Variants in SERPINE3 observed in about 807,000 individuals in gnomAD.
The protein encoded by SERPINE3 is serpin E3.
SERPINE3 carries 43 observed loss-of-function variants against 41.7 expected under a neutral mutation model. That is an observed-to-expected ratio of 1.03 (90% CI 0.81 to 1.33). SERPINE3 has a LOEUF of 1.33. SERPINE3 is among the 40% of genes most tolerant of loss of function. The pLI is 0.00. For synonymous variants in SERPINE3, 200 were observed against 192.2 expected (o/e 1.04, Z -0.34); for missense variants, 440 against 491.7 (o/e 0.89, Z 0.99).
chr13:51,344,147 A>G, intron 3 of SERPINE3, 105 bp from the exon 4 acceptor site: 2 of 773,406 alleles, frequency 2.6e-6, no homozygotes, highest in East Asian at 5.4e-5. Context: ...TATGAGCAAG[A>G]GTGGAGTTGC....
chr13:51,348,513 T>G (rs1337331066), intron 6 of SERPINE3, 102 bp downstream of exon 6: 1 of 875,296 alleles, frequency 1.1e-6, no homozygotes, highest in East Asian at 2.6e-5. Flanking sequence ...GCTTAGCCAC[T>G]GGGATGACTT....
chr13:51,353,514 C>T lies in SERPINE3; in HGVS notation c.900-1529C>T, dbSNP rs75819185. The stretch of plus-strand genomic sequence containing the variant: ...ACTAGTTTGCAGGTAGTTACTTGAT[C>T]CAGGATTCAAACTCAGGCATTGGAT... On this transcript the variant is annotated intron_variant, in intron 6 of 9. Transcript: ENST00000681248. Among the ~76,000 whole-genome samples the T allele has an allele frequency of 8.7e-3, 1,321 of 152,264 alleles. 21 individuals carry two copies. Among genetic ancestry groups the T allele is most frequent in the African/African-American group, 0.029 (1,224 of 41,556 alleles).
rs769927639 is a variant in SERPINE3, at chr13:51,341,225, G to A, written c.134G>A (p.Arg45Lys). 12 of 1,613,902 alleles carry A rather than the reference G, an allele frequency of 7.4e-6. No homozygotes were observed. The highest frequency in any genetic ancestry group is 8.5e-6 in the Non-Finnish European group (10 of 1,179,898). The change falls in exon 3 of 10, where the codon AGA becomes AAA. Residue 45 changes from arginine to lysine, a missense_variant. By Grantham distance (26) the Arg-to-Lys change is conservative. Transcript: ENST00000681248. ...LHLYQSVAAC[R>K]NETNFVISPA... ...CTCTACCAGAGTGTGGCCGCGTGTA[G>A]AAATGAGACGAACTTTGTCATCTCT... is the stretch of plus-strand genomic sequence containing the variant.
chr13:51,364,328 A>C lies in SERPINE3; in HGVS notation c.*46A>C, dbSNP rs903661610. On this transcript the variant is annotated 3_prime_UTR_variant, in exon 10 of 10. Transcript: ENST00000681248. ...TCAATGCTTTTCTTCATAAAGTTAT[A>C]ATTTCATTTTGCTATACCCTTGAAA... 1 of 1,166,876 alleles carries C rather than the reference A, an allele frequency of 8.6e-7. No homozygotes were observed. Among genetic ancestry groups the C allele is most frequent in the African/African-American group, 1.6e-5 (1 of 64,138 alleles). 72.3% of individuals were successfully genotyped at this position (1,166,876 alleles called of 1,614,324 possible). A position where few individuals can be genotyped will look rare whatever the true frequency, so the allele number is the denominator to read the frequency against.
chr13:51,355,223 T>TTCCACAGAGCCTTCAGTGGTAACCAA, intron 7 of SERPINE3, 80 bp downstream of exon 7: 1 of 684,048 alleles, frequency 1.5e-6, no homozygotes, highest in Admixed American at 2.7e-5. Flanking sequence ...GGATTCTCAT[T>TTCCACAGAGCCTTCAGTGGTAACCAA]TCAGAGTCAA....
At chr13:51,361,940 C>G (rs1390789343) in intron 9 of SERPINE3, 47 bp downstream of exon 9, 1 of 1,611,786 alleles carries the variant, frequency 6.2e-7, no homozygotes, top group Admixed American at 1.7e-5. Flanking sequence ...ATCAGTGTCT[C>G]TCTAGCAACA....
intron 5 of SERPINE3, among the ~76,000 whole-genome samples, chr13:51,347,590 T>C (rs1467328286): frequency 6.6e-6 from 1 of 152,218 alleles, no homozygotes; most frequent in Non-Finnish European, 1.5e-5. Flanking sequence ...AGTAGTACCC[T>C]GTACCCTTAT....
At chr13:51,348,641 G>A (rs536790055) in intron 6 of SERPINE3, 3 of 351,414 alleles carry the variant, frequency 8.5e-6, no homozygotes, top group African/African-American at 7.2e-5. Flanking sequence ...ACTTCCCAGA[G>A]TCTTTCCAAG....
Position 51,344,335 on chromosome 13 carries a change from AG to A in SERPINE3, c.341del (p.Ser114ThrfsTer76). ...AGGCACCGAGATGGAGCTGGCCTGCAGCCTTTTTGTGCAAGTGGGAACGCCA... is the reference window on the plus strand; with the variant it reads ...AGGCACCGAGATGGAGCTGGCCTGCACCTTTTTGTGCAAGTGGGAACGCCA... ...SQGTEMELAC[S>X]LFVQVGTPLS... On this transcript the variant is annotated frameshift_variant, in exon 4 of 10. Coordinates refer to ENST00000681248, the MANE Select transcript of SERPINE3 (RefSeq NM_001386375.1). LOFTEE classifies it high-confidence loss of function. 2 of 1,613,738 alleles carry A rather than the reference AG, an allele frequency of 1.2e-6. No individual in the cohort carries two copies. The highest frequency in any genetic ancestry group is 1.7e-6 in the Non-Finnish European group (2 of 1,179,792).
At chr13:51,353,049 A>C (rs1955423458) in intron 6 of SERPINE3, among the ~76,000 whole-genome samples, 1 of 152,082 alleles carries the variant, frequency 6.6e-6, no homozygotes, top group East Asian at 1.9e-4. Context: ...ATTGGTCTGT[A>C]ATTTGTCTTT....
At chr13:51,357,214 C>G (rs2137812532) in intron 7 of SERPINE3, among the ~76,000 whole-genome samples, 1 of 152,248 alleles carries the variant, frequency 6.6e-6, no homozygotes, top group South Asian at 2.1e-4. Context: ...TAAACATAAT[C>G]AAGAGACTAA....
At chr13:51,352,866 G>A (rs1024242401) in intron 6 of SERPINE3, among the ~76,000 whole-genome samples, 1 of 152,032 alleles carries the variant, frequency 6.6e-6, no homozygotes, top group Non-Finnish European at 1.5e-5. Context: ...TGGTGATGTG[G>A]CCTTTGTCCT....
chr13:51,346,381 G>C (rs1955345898), intron 4 of SERPINE3, among the ~76,000 whole-genome samples: 1 of 152,160 alleles, frequency 6.6e-6, no homozygotes, highest in Non-Finnish European at 1.5e-5. Flanking sequence ...CCTTCCAAGG[G>C]TCTGCCTGGG....
chr13:51,362,127 G>T, intron 9 of SERPINE3: 1 of 1,331,842 alleles, frequency 7.5e-7, no homozygotes, highest in Non-Finnish European at 9.8e-7. Context: ...CTCATATATA[G>T]TTAATGTAGA....
chr13:51,349,567 G>A (rs752143623), intron 6 of SERPINE3, among the ~76,000 whole-genome samples: 2 of 152,192 alleles, frequency 1.3e-5, no homozygotes, highest in Non-Finnish European at 2.9e-5. Context: ...AGGCTGGTGC[G>A]AGAATTCGCC....
chr13:51,361,076 A>AAACTT, intron 7 of SERPINE3, among the ~76,000 whole-genome samples: 1 of 152,062 alleles, frequency 6.6e-6, no homozygotes, highest in Non-Finnish European at 1.5e-5. Context: ...GTTTGGTAAC[A>AAACTT]TATTGAGTCT....
intron 5 of SERPINE3, among the ~76,000 whole-genome samples, chr13:51,347,830 A>G (rs956524332): frequency 4.6e-5 from 7 of 151,986 alleles, no homozygotes; most frequent in African/African-American, 9.7e-5. Context: ...CAGTCATCAG[A>G]TCGAGAAAAC....
intron 4 of SERPINE3, among the ~76,000 whole-genome samples, chr13:51,345,715 G>A (rs185962329): frequency 5.8e-4 from 88 of 151,864 alleles, no homozygotes; most frequent in African/African-American, 1.6e-3. Context: ...CATCTTTTGT[G>A]ATAAAGTTCT....
chr13:51,348,287 T>C lies in SERPINE3; in HGVS notation c.775T>C (p.Phe259Leu), dbSNP rs749085296. The change falls in exon 6 of 10, where the codon TTC (phenylalanine) becomes CTC (leucine). Residue 259 changes from phenylalanine to leucine, a missense_variant. Phe to Leu is a conservative substitution (Grantham distance 22). Transcript: ENST00000681248. ...LPYLGSAVSL[F>L]LVLPRDKDTP... ...TTACCTGGGAAGTGCAGTGAGTCTG[T>C]TCCTGGTGCTGCCCCGTGACAAAGA... 3 of 1,611,692 alleles carry C rather than the reference T, an allele frequency of 1.9e-6. No individual in the cohort carries two copies. The highest frequency in any genetic ancestry group is 4.5e-5 in the East Asian group (2 of 44,782).
Sources: gnomAD v4.1 joint callset for allele counts (sites outside exome capture counted in the v4.1 genomes callset) on GRCh38, gnomAD v4.1.1 for gene constraint, MANE v1.5 for transcripts, NCBI Gene and HGNC (gene_info 2026-07-23, HGNC 2026-07-21) for gene names.